The following OSBPL8 variants were observed in gnomAD, a reference collection of about 807,000 sequenced individuals.
OSBPL8 encodes the protein oxysterol-binding protein-related protein 8.
A neutral mutation model predicts 125.5 loss-of-function variants in OSBPL8; 59 were observed. The observed-to-expected ratio is 0.47, with a 90% confidence interval of 0.38 to 0.58. The LOEUF is 0.58. OSBPL8 is among the 20% of genes least tolerant of loss of function. The probability of loss-of-function intolerance (pLI) is 0.00; values close to 1 mark genes in which losing one functional copy is unlikely to be tolerated. For missense variants in OSBPL8, 758 were observed against 1,047.8 expected (o/e 0.72, Z 3.82); for synonymous variants, 330 against 338.9 (o/e 0.97, Z 0.29).
At chr12:76,358,540 C>T (rs572846714) in intron 22 of OSBPL8, among the ~76,000 whole-genome samples, 166 bp downstream of exon 22, 4 of 152,142 alleles carry the variant, frequency 2.6e-5, no homozygotes, top group East Asian at 3.9e-4. Flanking sequence ...CTTTACCTTG[C>T]GTCCTGGTCT....
At chr12:76,513,081 T>C (rs1181768071) in intron 1 of OSBPL8, among the ~76,000 whole-genome samples, 1 of 152,272 alleles carries the variant, frequency 6.6e-6, no homozygotes, top group Non-Finnish European at 1.5e-5. Context: ...AGCATGCTGT[T>C]TAATTTTCAT....
chr12:76,440,772 T>A (rs1278394911), intron 4 of OSBPL8, among the ~76,000 whole-genome samples: 1 of 152,118 alleles, frequency 6.6e-6, no homozygotes, highest in African/African-American at 2.4e-5. Context: ...CAATCCAAAT[T>A]TCCATCATGA....
At chr12:76,475,569 T>C (rs1876703531) in intron 2 of OSBPL8, among the ~76,000 whole-genome samples, 1 of 152,236 alleles carries the variant, frequency 6.6e-6, no homozygotes, top group African/African-American at 2.4e-5. Context: ...TCTGTTCTTT[T>C]AAATCTCTGG....
At chr12:76,400,995 G>C (rs985216198) in intron 6 of OSBPL8, among the ~76,000 whole-genome samples, 5 of 151,764 alleles carry the variant, frequency 3.3e-5, no homozygotes, top group Admixed American at 3.3e-4. Context: ...CACTATGTTG[G>C]CCAGAATAGT....
At chr12:76,455,775 A>C (rs1873962981) in intron 3 of OSBPL8, among the ~76,000 whole-genome samples, 1 of 152,232 alleles carries the variant, frequency 6.6e-6, no homozygotes, top group South Asian at 2.1e-4. Context: ...ATTCAAACAT[A>C]AGTTTAAGAG....
intron 1 of OSBPL8, among the ~76,000 whole-genome samples, chr12:76,553,338 G>C (rs1205413666): frequency 1.3e-5 from 2 of 152,050 alleles, no homozygotes; most frequent in Non-Finnish European, 2.9e-5. Flanking sequence ...CAACAGGACA[G>C]ATTTCAACTG....
chr12:76,369,088 G>C, intron 21 of OSBPL8, 126 bp downstream of exon 21: 1 of 1,284,876 alleles, frequency 7.8e-7, no homozygotes, highest in Non-Finnish European at 1.0e-6. Context: ...GGTAAGAAGA[G>C]TTCAGAGCTG....
intron 8 of OSBPL8, among the ~76,000 whole-genome samples, chr12:76,395,263 G>T (rs559170157): frequency 3.8e-4 from 58 of 152,152 alleles, no homozygotes; most frequent in African/African-American, 1.3e-3. Flanking sequence ...AAATTCTGTC[G>T]TTGTTGTTGG....
At chr12:76,363,135 C>A (rs1460992063) in intron 21 of OSBPL8, among the ~76,000 whole-genome samples, 1 of 152,134 alleles carries the variant, frequency 6.6e-6, no homozygotes, top group Non-Finnish European at 1.5e-5. Context: ...CAGTGCTATA[C>A]CCCTCAAGCT....
intron 1 of OSBPL8, among the ~76,000 whole-genome samples, chr12:76,529,811 G>A (rs1447787405): frequency 6.6e-6 from 1 of 152,142 alleles, no homozygotes; most frequent in Non-Finnish European, 1.5e-5. Flanking sequence ...CCTATGCAAG[G>A]CAGGAACATG....
At chr12:76,361,528 T>C (rs1000725502) in intron 21 of OSBPL8, among the ~76,000 whole-genome samples, 3 of 152,226 alleles carry the variant, frequency 2.0e-5, no homozygotes, top group Non-Finnish European at 4.4e-5. Flanking sequence ...TCTGGGTATC[T>C]TTTCAGCAGC....
chr12:76,419,705 AT>A (rs1167811125), intron 4 of OSBPL8, among the ~76,000 whole-genome samples: 1 of 152,192 alleles, frequency 6.6e-6, no homozygotes, highest in East Asian at 1.9e-4. Context: ...ATAAAAAAGA[AT>A]TTCCTAAAGC....
chr12:76,558,133 A>AT (rs939333289), intron 1 of OSBPL8, among the ~76,000 whole-genome samples: 26 of 148,804 alleles, frequency 1.7e-4, no homozygotes, highest in Admixed American at 1.2e-3. Flanking sequence ...ATATTAAAAA[A>AT]AAATAAAAGT....
intron 4 of OSBPL8, among the ~76,000 whole-genome samples, chr12:76,432,233 G>C (rs542282501): frequency 2.0e-5 from 3 of 152,086 alleles, no homozygotes; most frequent in African/African-American, 7.2e-5. Flanking sequence ...TAAAATTTGT[G>C]GAATGTAGCA....
chr12:76,490,063 G>A (rs1177512113), intron 1 of OSBPL8, among the ~76,000 whole-genome samples: 3 of 152,222 alleles, frequency 2.0e-5, no homozygotes, highest in Non-Finnish European at 2.9e-5. Context: ...TAGAAGTGGA[G>A]TCTGAAGATG....
At chr12:76,498,747 T>TTTTTTGGG (rs1879552820) in intron 1 of OSBPL8, among the ~76,000 whole-genome samples, 1 of 149,074 alleles carries the variant, frequency 6.7e-6, no homozygotes, top group African/African-American at 2.5e-5. Flanking sequence ...TTTTTTTTTT[T>TTTTTTGGG]GAGACAGGGT....
chr12:76,515,091 T>C (rs1173182338), intron 1 of OSBPL8, among the ~76,000 whole-genome samples: 1 of 152,254 alleles, frequency 6.6e-6, no homozygotes, highest in Non-Finnish European at 1.5e-5. Context: ...GATTTTTCTG[T>C]ACTCCTGAAT....
At position 76,541,887 on chromosome 12, in the gene OSBPL8, G is replaced by A. The variant is rs544436181; in HGVS notation, c.-68+17510C>T. Among the ~76,000 whole-genome samples the A allele has an allele frequency of 1.5e-3, 226 of 151,184 alleles. 1 individual carries two copies. Among genetic ancestry groups the A allele is most frequent in the African/African-American group, 5.2e-3 (213 of 41,236 alleles). On this transcript the variant is annotated intron_variant, in intron 1 of 23. Transcript: ENST00000261183. ...TAAAAATAAATAAAAATAAATAAAA[G>A]TAGGCCGGGTGCAGTGGCTCACGCC...
chr12:76,454,007 A>C (rs576067258), intron 3 of OSBPL8, among the ~76,000 whole-genome samples: 7 of 152,234 alleles, frequency 4.6e-5, no homozygotes, highest in Non-Finnish European at 1.0e-4. Context: ...TTTTATACTC[A>C]GTAAAATTAA....
Sources: gnomAD v4.1 joint callset for allele counts (sites outside exome capture counted in the v4.1 genomes callset) on GRCh38, gnomAD v4.1.1 for gene constraint, MANE v1.5 for transcripts, NCBI Gene and HGNC (gene_info 2026-07-23, HGNC 2026-07-21) for gene names.